SGK1: variants seen among roughly 807,000 people sequenced by gnomAD.
SGK1 encodes serine/threonine-protein kinase Sgk1.
In SGK1, 26 loss-of-function variants were observed where a neutral mutation model predicts 64.2. That is an observed-to-expected ratio of 0.40 (90% CI 0.30 to 0.56). The LOEUF (loss-of-function observed/expected upper bound fraction) is 0.56, where lower values mean the gene tolerates loss of function less well. Among genes scored for constraint, SGK1 ranks in the 20% least tolerant of loss-of-function variants. The pLI, the probability that SGK1 is intolerant of heterozygous loss-of-function variation, is 0.38. For synonymous variants in SGK1, 265 were observed against 239.7 expected (o/e 1.11, Z -0.98); for missense variants, 519 against 645.6 (o/e 0.80, Z 2.12).
intron 1 of SGK1, among the ~76,000 whole-genome samples, chr6:134,292,496 C>T (rs984615979): frequency 5.9e-5 from 9 of 151,840 alleles, no homozygotes; most frequent in Admixed American, 2.0e-4. Context: ...GGGAGGCTGA[C>T]GCAGGAGAAT....
intron 3 of SGK1, among the ~76,000 whole-genome samples, chr6:134,201,393 G>T (rs533639642): frequency 1.9e-4 from 28 of 144,292 alleles, no homozygotes; most frequent in Non-Finnish European, 4.1e-4. Flanking sequence ...ATAGAGTCTC[G>T]CTCTGTTGCC....
intron 1 of SGK1, among the ~76,000 whole-genome samples, chr6:134,290,428 CAA>C (rs368273292): frequency 7.6e-6 from 1 of 130,896 alleles, no homozygotes. Context: ...GATTTTCTGT[CAA>C]AAAAAAAAAA....
intron 3 of SGK1, among the ~76,000 whole-genome samples, chr6:134,189,223 T>TGC (rs1554219564): frequency 6.7e-6 from 1 of 149,708 alleles, no homozygotes; most frequent in South Asian, 2.1e-4. Flanking sequence ...TGTGTGTGTG[T>TGC]GTGTGCGTGT....
At chr6:134,247,237 G>A (rs1776538264) in intron 2 of SGK1, among the ~76,000 whole-genome samples, 1 of 152,230 alleles carries the variant, frequency 6.6e-6, no homozygotes, top group Non-Finnish European at 1.5e-5. Flanking sequence ...TGAGGAAGGG[G>A]AAGGAAACAA....
rs1777438562 is a variant in SGK1 at position 134,300,637 on chromosome 6, T to TC, written c.69+16754_69+16755insG. Reference sequence around the variant, plus strand: ...GAGTTAAAAATAAATGTTTGGTTTTTTTTTTTTTTTTTGGAGATGGAGTCT... The same window carrying TC: ...GAGTTAAAAATAAATGTTTGGTTTTTCTTTTTTTTTTTTGGAGATGGAGTCT... On this transcript the variant is annotated intron_variant, in intron 1 of 13. Coordinates refer to ENST00000367858, the MANE Select transcript of SGK1 (RefSeq NM_001143676.3). Among the ~76,000 whole-genome samples the TC allele has an allele frequency of 2.0e-5, 3 of 147,974 alleles. No individual in the cohort carries two copies. The South Asian group carries it at 6.4e-4, about 32-fold the overall frequency.
At chr6:134,228,944 C>G (rs1264163516) in intron 2 of SGK1, among the ~76,000 whole-genome samples, 3 of 150,988 alleles carry the variant, frequency 2.0e-5, no homozygotes, top group Admixed American at 1.3e-4. Flanking sequence ...TCCGGGTTCA[C>G]GCCATTCTCC....
intron 2 of SGK1, among the ~76,000 whole-genome samples, chr6:134,233,954 C>T (rs1208840136): frequency 1.3e-5 from 2 of 152,056 alleles, no homozygotes; most frequent in African/African-American, 4.8e-5. Context: ...TCTAGAAATT[C>T]ATCTTTGAAT....
intron 2 of SGK1, among the ~76,000 whole-genome samples, chr6:134,232,082 A>C (rs1314013829): frequency 6.6e-6 from 1 of 151,596 alleles, no homozygotes; most frequent in Non-Finnish European, 1.5e-5. Flanking sequence ...ACCTATATTA[A>C]GTTAAATAAA....
At chr6:134,199,245 A>G (rs963412830) in intron 3 of SGK1, among the ~76,000 whole-genome samples, 5 of 152,184 alleles carry the variant, frequency 3.3e-5, no homozygotes, top group Non-Finnish European at 7.4e-5. Flanking sequence ...AGTCTGCACA[A>G]CAAACCCCTG....
At position 134,271,067 on chromosome 6, in the gene SGK1, A is replaced by G. The variant is rs983180815; in HGVS notation, c.70-8919T>C. 6.8e-5 allele frequency among the ~76,000 whole-genome samples: 10 copies of G among 147,032 alleles called. 1 individual carries two copies. The highest frequency in any genetic ancestry group is 1.1e-4 in the Non-Finnish European group (7 of 66,282). ...TGCGGTGGCTCATGCCTGTCGTCCC[A>G]GTGCTTTGGGAGGCCGAGGCAGGCA... is the stretch of plus-strand genomic sequence containing the variant. On this transcript the variant is annotated intron_variant, in intron 1 of 13. Transcript: ENST00000367858.
At chr6:134,181,911 G>T (rs1329851869) in intron 3 of SGK1, among the ~76,000 whole-genome samples, 1 of 152,052 alleles carries the variant, frequency 6.6e-6, no homozygotes, top group Non-Finnish European at 1.5e-5. Context: ...AGGCTGAAGT[G>T]CAGTGGCGCA....
At chr6:134,308,070 C>T (rs1777560296) in intron 1 of SGK1, among the ~76,000 whole-genome samples, 1 of 152,128 alleles carries the variant, frequency 6.6e-6, no homozygotes, top group Non-Finnish European at 1.5e-5. Flanking sequence ...TATTTTTATA[C>T]TACCCCTCCA....
intron 3 of SGK1, among the ~76,000 whole-genome samples, chr6:134,191,835 A>ATTTTTTTTTTTTTTTTTTTTTTTTT (rs71003671): frequency 1.6e-5 from 1 of 61,204 alleles, no homozygotes; most frequent in African/African-American, 6.7e-5. Flanking sequence ...CGCCCGGCTG[A>ATTTTTTTTTTTTTTTTTTTTTTTTT]TTTTTTTTTT....
At chr6:134,317,248 A>T in intron 1 of SGK1, 144 bp downstream of exon 1, 3 of 692,184 alleles carry the variant, frequency 4.3e-6, no homozygotes, top group Non-Finnish European at 7.9e-6. Flanking sequence ...AGTCAGGTAT[A>T]GTTCTCAGCT....
intron 3 of SGK1, chr6:134,180,253 C>T (rs1775311433): frequency 6.6e-6 from 1 of 152,152 alleles, no homozygotes; most frequent in South Asian, 2.1e-4. Context: ...TGCGCCTCAC[C>T]TGAGGAATGA....
intron 1 of SGK1, chr6:134,298,495 CTG>C: frequency 1.2e-6 from 1 of 808,520 alleles, no homozygotes; most frequent in South Asian, 1.4e-5. Flanking sequence ...CTCTGGTTGA[CTG>C]TGACGGCAGT....
intron 2 of SGK1, among the ~76,000 whole-genome samples, chr6:134,254,121 T>TTC (rs34513488): frequency 6.7e-6 from 1 of 148,670 alleles, no homozygotes; most frequent in Non-Finnish European, 1.5e-5. Context: ...CTCCTTTTTT[T>TTC]TTTTTTCAAA....
chr6:134,265,961 C>T (rs1019235292), intron 1 of SGK1, among the ~76,000 whole-genome samples: 2 of 149,466 alleles, frequency 1.3e-5, no homozygotes, highest in South Asian at 2.1e-4. Flanking sequence ...CTTTTAATTG[C>T]TTTATTTATT....
At chr6:134,172,022 G>A (rs1440005059) in intron 10 of SGK1, 171 bp downstream of exon 10, 15 of 809,532 alleles carry the variant, frequency 1.9e-5, no homozygotes, top group Non-Finnish European at 1.4e-5. Flanking sequence ...GGAACAGAAG[G>A]ACTTGGGATT....
Sources: gnomAD v4.1 joint callset for allele counts (sites outside exome capture counted in the v4.1 genomes callset) on GRCh38, gnomAD v4.1.1 for gene constraint, MANE v1.5 for transcripts, NCBI Gene and HGNC (gene_info 2026-07-23, HGNC 2026-07-21) for gene names.